The following FAM171A1 variants were observed in gnomAD, a reference collection of about 807,000 sequenced individuals.
FAM171A1 encodes the protein protein FAM171A1.
In FAM171A1, 23 loss-of-function variants were observed where a neutral mutation model predicts 74.9. The ratio of observed to expected loss-of-function variants is 0.31; its 90% confidence interval spans 0.22 to 0.44. FAM171A1 has a LOEUF of 0.44. FAM171A1 is among the 20% of genes least tolerant of loss of function. The probability of loss-of-function intolerance (pLI) is 1.00; values close to 1 mark genes in which losing one functional copy is unlikely to be tolerated. For missense variants in FAM171A1, 1,162 were observed against 1,159.2 expected, an observed-to-expected ratio of 1.00 and a Z score of -0.03; for synonymous variants, 527 against 505.7, an observed-to-expected ratio of 1.04 and a Z score of -0.57.
intron 5 of FAM171A1, among the ~76,000 whole-genome samples, chr10:15,235,127 T>G (rs1209304895): frequency 6.6e-6 from 1 of 151,914 alleles, no homozygotes; most frequent in East Asian, 1.9e-4. Flanking sequence ...CTGGCCAATA[T>G]GGCCAAACCT....
intron 1 of FAM171A1, among the ~76,000 whole-genome samples, chr10:15,322,076 T>C (rs1835493207): frequency 6.6e-6 from 1 of 152,264 alleles, no homozygotes; most frequent in Admixed American, 6.5e-5. Context: ...CTCCATGCTC[T>C]GGTGGTAACC....
rs996119939 is a variant in FAM171A1, at chr10:15,299,400, C to A, written c.98-15295G>T. ...CCAGTGGAACGGTTGCCAAGGCAAC[C>A]TAAACTGGTGGGGGAAAGATTCTGT... is the stretch of plus-strand genomic sequence containing the variant. On this transcript the variant is annotated intron_variant, in intron 1 of 7. Coordinates refer to ENST00000378116, the MANE Select transcript of FAM171A1 (RefSeq NM_001010924.2). 2.6e-5 allele frequency among the ~76,000 whole-genome samples: 4 copies of A among 152,290 alleles called. No homozygotes were observed. The East Asian group carries it at 7.7e-4, about 29-fold the overall frequency.
intron 1 of FAM171A1, among the ~76,000 whole-genome samples, chr10:15,294,548 A>G (rs1187995980): frequency 6.6e-6 from 1 of 152,250 alleles, no homozygotes; most frequent in Admixed American, 6.5e-5. Flanking sequence ...CCCTACCACG[A>G]TTCAGAGCTC....
intron 1 of FAM171A1, among the ~76,000 whole-genome samples, chr10:15,358,935 TAG>T (rs1467402130): frequency 6.6e-6 from 1 of 152,230 alleles, no homozygotes; most frequent in Non-Finnish European, 1.5e-5. Flanking sequence ...TACATAACAG[TAG>T]AGTCTTCCAA....
At chr10:15,312,974 G>A (rs1289133698) in intron 1 of FAM171A1, among the ~76,000 whole-genome samples, 1 of 151,874 alleles carries the variant, frequency 6.6e-6, no homozygotes, top group Non-Finnish European at 1.5e-5. Context: ...GGATTACAGG[G>A]GTGAGCCACC....
At chr10:15,291,518 T>A (rs889081676) in intron 1 of FAM171A1, among the ~76,000 whole-genome samples, 17 of 152,210 alleles carry the variant, frequency 1.1e-4, no homozygotes, top group African/African-American at 4.1e-4. Context: ...AGAAAGTTCC[T>A]TTGGACAATT....
intron 3 of FAM171A1, among the ~76,000 whole-genome samples, chr10:15,270,051 T>C (rs1432891802): frequency 6.6e-6 from 1 of 152,102 alleles, no homozygotes; most frequent in Non-Finnish European, 1.5e-5. Flanking sequence ...TGTCGGACAG[T>C]AGGTGCAGCC....
intron 5 of FAM171A1, among the ~76,000 whole-genome samples, chr10:15,225,730 C>T (rs558439901): frequency 1.6e-4 from 24 of 152,250 alleles, no homozygotes; most frequent in Admixed American, 5.9e-4. Flanking sequence ...TTTCATCATG[C>T]GGTGAGAGCC....
intron 3 of FAM171A1, among the ~76,000 whole-genome samples, chr10:15,274,375 G>A (rs1187308535): frequency 2.6e-5 from 4 of 152,094 alleles, no homozygotes; most frequent in Admixed American, 6.6e-5. Flanking sequence ...ACTGCTCAAC[G>A]AAATAAAAGA....
chr10:15,343,059 C>T (rs1462042638), intron 1 of FAM171A1, among the ~76,000 whole-genome samples: 2 of 152,232 alleles, frequency 1.3e-5, no homozygotes, highest in African/African-American at 4.8e-5. Context: ...ATACTACAAT[C>T]ACTGGAAGAG....
At chr10:15,343,262 A>G in intron 1 of FAM171A1, among the ~76,000 whole-genome samples, 1 of 152,182 alleles carries the variant, frequency 6.6e-6, no homozygotes, top group East Asian at 1.9e-4. Flanking sequence ...CCAGTTACAC[A>G]GGGGGCTGAG....
upstream of FAM171A1, among the ~76,000 whole-genome samples, chr10:15,373,309 G>A (rs1210245464): frequency 6.6e-6 from 1 of 152,144 alleles, no homozygotes; most frequent in Non-Finnish European, 1.5e-5. Context: ...TGGCATCAAA[G>A]TTCCTAATAT....
chr10:15,242,128 A>G (rs1834371611), intron 5 of FAM171A1, among the ~76,000 whole-genome samples: 1 of 152,230 alleles, frequency 6.6e-6, no homozygotes, highest in African/African-American at 2.4e-5. Flanking sequence ...CATAAATAGC[A>G]GCTAATTATT....
At chr10:15,243,611 A>T (rs1346156530) in intron 5 of FAM171A1, among the ~76,000 whole-genome samples, 2 of 152,136 alleles carry the variant, frequency 1.3e-5, no homozygotes, top group Non-Finnish European at 2.9e-5. Flanking sequence ...TCCATATTCA[A>T]ATATACTCAT....
At chr10:15,258,480 T>G (rs1282587983) in intron 3 of FAM171A1, among the ~76,000 whole-genome samples, 7 of 152,142 alleles carry the variant, frequency 4.6e-5, no homozygotes, top group African/African-American at 7.2e-5. Flanking sequence ...CTCTATAGGC[T>G]TTTCCTCCCC....
At chr10:15,233,016 CA>C (rs1176445412) in intron 5 of FAM171A1, among the ~76,000 whole-genome samples, 1 of 152,144 alleles carries the variant, frequency 6.6e-6, no homozygotes, top group Non-Finnish European at 1.5e-5. Context: ...TTTTTCAGGC[CA>C]GGGGCAGTGG....
At chr10:15,247,783 T>C (rs1285598397) in intron 5 of FAM171A1, among the ~76,000 whole-genome samples, 1 of 152,174 alleles carries the variant, frequency 6.6e-6, no homozygotes, top group Non-Finnish European at 1.5e-5. Flanking sequence ...TACTATATCA[T>C]TTTTATTTAC....
intron 2 of FAM171A1, among the ~76,000 whole-genome samples, chr10:15,280,095 G>GA (rs1385175605): frequency 6.6e-6 from 1 of 151,676 alleles, no homozygotes; most frequent in South Asian, 2.1e-4. Context: ...TCAAAAAGAA[G>GA]AAAAAAACCC....
At chr10:15,322,937 C>T (rs1358280940) in intron 1 of FAM171A1, among the ~76,000 whole-genome samples, 2 of 151,610 alleles carry the variant, frequency 1.3e-5, no homozygotes, top group Non-Finnish European at 2.9e-5. Flanking sequence ...GCCAGGAGTT[C>T]GAGACCAGCC....
Sources: gnomAD v4.1 joint callset for allele counts (sites outside exome capture counted in the v4.1 genomes callset) on GRCh38, gnomAD v4.1.1 for gene constraint, MANE v1.5 for transcripts, NCBI Gene and HGNC (gene_info 2026-07-23, HGNC 2026-07-21) for gene names.